Variants in NDUFAF2 observed in about 807,000 individuals in gnomAD.
The protein encoded by NDUFAF2 is NADH dehydrogenase [ubiquinone] 1 alpha subcomplex assembly factor 2.
Under a neutral mutation model 22.8 loss-of-function variants are expected in NDUFAF2, and 13 were observed. That is an observed-to-expected ratio of 0.57 (90% CI 0.37 to 0.91). The LOEUF (loss-of-function observed/expected upper bound fraction) is 0.91. Among genes scored for constraint, NDUFAF2 ranks in the 40% least tolerant of loss-of-function variants. NDUFAF2 has a pLI of 0.01. For missense variants in NDUFAF2, 162 were observed against 195.2 expected, an observed-to-expected ratio of 0.83 and a Z score of 1.01; for synonymous variants, 53 against 64.2, an observed-to-expected ratio of 0.83 and a Z score of 0.84.
At chr5:61,108,250 G>T (rs1752793128) in intron 3 of NDUFAF2, among the ~76,000 whole-genome samples, 1 of 148,524 alleles carries the variant, frequency 6.7e-6, no homozygotes. Context: ...GGTATTTCTA[G>T]TTCTAGATCC....
chr5:60,998,277 G>A (rs1751253203), intron 1 of NDUFAF2, among the ~76,000 whole-genome samples: 1 of 151,960 alleles, frequency 6.6e-6, no homozygotes, highest in Admixed American at 6.6e-5. Context: ...AAAATTTAAT[G>A]ATTACTTTCT....
intron 3 of NDUFAF2, among the ~76,000 whole-genome samples, chr5:61,118,418 A>C (rs755280392): frequency 6.6e-6 from 1 of 152,204 alleles, no homozygotes; most frequent in African/African-American, 2.4e-5. Flanking sequence ...CCATTTATCT[A>C]TCTTAAAATT....
chr5:61,086,910 C>T (rs982120203), intron 2 of NDUFAF2, among the ~76,000 whole-genome samples: 8 of 152,122 alleles, frequency 5.3e-5, no homozygotes, highest in African/African-American at 1.7e-4. Context: ...AAAGAACTCT[C>T]ATACCTCAGT....
chr5:61,086,193 G>A (rs1484281264), intron 2 of NDUFAF2, among the ~76,000 whole-genome samples: 4 of 151,974 alleles, frequency 2.6e-5, no homozygotes, highest in Admixed American at 1.3e-4. Context: ...TAAATAGAGA[G>A]ATGTACAATT....
intron 3 of NDUFAF2, chr5:61,115,879 C>T (rs567635938): frequency 3.3e-5 from 5 of 152,250 alleles, no homozygotes; most frequent in East Asian, 3.9e-4. Context: ...TTTGTGATAT[C>T]GTACAACGAG....
intron 1 of NDUFAF2, among the ~76,000 whole-genome samples, chr5:60,977,892 G>A (rs1207213440): frequency 6.6e-6 from 1 of 151,264 alleles, no homozygotes; most frequent in African/African-American, 2.4e-5. Flanking sequence ...ACCTCCTTCT[G>A]GGAACACCAG....
chr5:61,070,172 C>G (rs1399552389), intron 1 of NDUFAF2, among the ~76,000 whole-genome samples: 1 of 152,004 alleles, frequency 6.6e-6, no homozygotes, highest in Non-Finnish European at 1.5e-5. Context: ...TAAATTAGAA[C>G]CTAAAATTTT....
intron 2 of NDUFAF2, among the ~76,000 whole-genome samples, chr5:61,074,313 G>A (rs1041078886): frequency 6.6e-6 from 1 of 152,132 alleles, no homozygotes; most frequent in Non-Finnish European, 1.5e-5. Flanking sequence ...ATTAGGCCAG[G>A]TGTGGTGGCT....
At chr5:60,946,173 G>C (rs1427475413) in intron 1 of NDUFAF2, among the ~76,000 whole-genome samples, 1 of 152,132 alleles carries the variant, frequency 6.6e-6, no homozygotes, top group Non-Finnish European at 1.5e-5. Flanking sequence ...CTTCTGTGTT[G>C]TTCCATCGCC....
chr5:61,132,052 T>G (rs958380491), intron 3 of NDUFAF2, among the ~76,000 whole-genome samples: 2 of 152,188 alleles, frequency 1.3e-5, no homozygotes, highest in Non-Finnish European at 2.9e-5. Context: ...AGTTTCTTGT[T>G]TCTTTGCTAA....
At chr5:60,957,820 C>T (rs371883651) in intron 1 of NDUFAF2, among the ~76,000 whole-genome samples, 16 of 152,184 alleles carry the variant, frequency 1.1e-4, no homozygotes, top group Non-Finnish European at 1.8e-4. Flanking sequence ...GGAAGGGGCT[C>T]ATTGGGACAC....
chr5:60,972,657 G>A (rs570832121), intron 1 of NDUFAF2, among the ~76,000 whole-genome samples: 1 of 151,992 alleles, frequency 6.6e-6, no homozygotes, highest in South Asian at 2.1e-4. Flanking sequence ...ACTTGTTTTA[G>A]GTGTGTTTCT....
At chr5:61,099,398 T>G (rs1315645362) in intron 3 of NDUFAF2, among the ~76,000 whole-genome samples, 1 of 151,298 alleles carries the variant, frequency 6.6e-6, no homozygotes, top group Non-Finnish European at 1.5e-5. Context: ...GTGGAAAAGT[T>G]TGAGAAACAC....
intron 1 of NDUFAF2, among the ~76,000 whole-genome samples, chr5:61,062,821 C>T (rs1752182080): frequency 6.6e-6 from 1 of 152,098 alleles, no homozygotes; most frequent in Non-Finnish European, 1.5e-5. Flanking sequence ...CATCAAGTCA[C>T]ATATTAAGAA....
chr5:60,948,177 C>A (rs1750488947), intron 1 of NDUFAF2, among the ~76,000 whole-genome samples: 1 of 152,130 alleles, frequency 6.6e-6, no homozygotes, highest in Non-Finnish European at 1.5e-5. Context: ...TGATTTCTGA[C>A]ACTATACATT....
At chr5:61,026,230 C>T (rs1036103488) in intron 1 of NDUFAF2, among the ~76,000 whole-genome samples, 1 of 151,948 alleles carries the variant, frequency 6.6e-6, no homozygotes, top group African/African-American at 2.4e-5. Flanking sequence ...AGGCCATCAA[C>T]AGTAGCAGCC....
At chr5:60,998,100 G>A (rs1751250788) in intron 1 of NDUFAF2, among the ~76,000 whole-genome samples, 1 of 152,128 alleles carries the variant, frequency 6.6e-6, no homozygotes, top group African/African-American at 2.4e-5. Context: ...TGTAGGTACT[G>A]TTTAAATTGT....
intron 3 of NDUFAF2, among the ~76,000 whole-genome samples, chr5:61,144,363 TA>T (rs1413003272): frequency 6.6e-6 from 1 of 152,108 alleles, no homozygotes; most frequent in Non-Finnish European, 1.5e-5. Context: ...ACACACAACA[TA>T]AAAAATACTA....
At chr5:61,126,694 T>C (rs1297192236) in intron 3 of NDUFAF2, among the ~76,000 whole-genome samples, 1 of 152,052 alleles carries the variant, frequency 6.6e-6, no homozygotes, top group Non-Finnish European at 1.5e-5. Context: ...AATACTTACA[T>C]GTAATAAGTC....
Sources: gnomAD v4.1 joint callset for allele counts (sites outside exome capture counted in the v4.1 genomes callset) on GRCh38, gnomAD v4.1.1 for gene constraint, MANE v1.5 for transcripts, NCBI Gene and HGNC (gene_info 2026-07-23, HGNC 2026-07-21) for gene names.